SHTN1: variants seen among roughly 807,000 people sequenced by gnomAD.
SHTN1 encodes the protein shootin-1.
In SHTN1, 42 loss-of-function variants were observed where a neutral mutation model predicts 83.1. The ratio of observed to expected loss-of-function variants is 0.51; its 90% CI spans 0.39 to 0.65. The LOEUF (loss-of-function observed/expected upper bound fraction) is 0.65, where lower values mean the gene tolerates loss of function less well. Among genes scored for constraint, SHTN1 ranks in the 30% least tolerant of loss-of-function variants. SHTN1 has a pLI of 0.00. For missense variants in SHTN1, 622 were observed against 737.8 expected, an observed-to-expected ratio of 0.84 and a Z score of 1.82; for synonymous variants, 224 against 247.7, an observed-to-expected ratio of 0.90 and a Z score of 0.90.
chr10:117,070,008 T>C (rs999140008), intron 1 of SHTN1, among the ~76,000 whole-genome samples: 2 of 151,906 alleles, frequency 1.3e-5, no homozygotes, highest in African/African-American at 4.8e-5. Context: ...GGAACTACGA[T>C]GATAGAAAAA....
intron 1 of SHTN1, among the ~76,000 whole-genome samples, chr10:117,114,113 G>A (rs1853809459): frequency 1.3e-5 from 2 of 152,132 alleles, no homozygotes; most frequent in South Asian, 4.1e-4. Flanking sequence ...GGAGGCTAAA[G>A]TGGGAGGATT....
intron 7 of SHTN1, among the ~76,000 whole-genome samples, chr10:116,947,204 T>C (rs1849625774): frequency 6.6e-6 from 1 of 152,186 alleles, no homozygotes; most frequent in African/African-American, 2.4e-5. Flanking sequence ...TGGCCTATTT[T>C]GTTAAATAGT....
chr10:116,993,769 T>C (rs1851528505), intron 1 of SHTN1, among the ~76,000 whole-genome samples: 1 of 152,162 alleles, frequency 6.6e-6, no homozygotes, highest in Non-Finnish European at 1.5e-5. Context: ...ATATATTTTA[T>C]AATATGTTTG....
At position 116,903,329 on chromosome 10, in the gene SHTN1, T is replaced by TA. The variant is rs1179795069; in HGVS notation, c.1481-1373dup. ...AGGCGGATCGCCTGAGGTCAGGAGT[T>TA]AGAGACCAACCTGGCCAACATGGTG... On this transcript the variant is annotated intron_variant, in intron 15 of 16. Transcript: ENST00000355371. Among the ~76,000 whole-genome samples, 9 of 152,110 alleles carry TA rather than the reference T, an allele frequency of 5.9e-5. No homozygotes were observed. In the South Asian group the frequency reaches 1.5e-3, roughly 25 times the overall value.
chr10:116,966,977 G>A (rs947353813), intron 3 of SHTN1, among the ~76,000 whole-genome samples: 12 of 152,176 alleles, frequency 7.9e-5, no homozygotes, highest in African/African-American at 2.4e-4. Flanking sequence ...ATTCCCCTTG[G>A]ATGTTCTCTG....
rs771344270 is a variant in SHTN1, at chr10:116,944,883, C to A, written c.711+41G>T. Reference sequence around the variant, plus strand: ...TCCAGCCTGGTGACAGAGCGAGACTCTGTCTCAAGAAAAAAAATAAGATTT... The same window carrying A: ...TCCAGCCTGGTGACAGAGCGAGACTATGTCTCAAGAAAAAAAATAAGATTT... On this transcript the variant is annotated intron_variant, in intron 8 of 16. Coordinates refer to ENST00000355371, the MANE Select transcript of SHTN1 (RefSeq NM_001127211.3). 16 of 1,302,046 alleles carry A rather than the reference C, an allele frequency of 1.2e-5. No individual in the cohort carries two copies. In the East Asian group the frequency reaches 3.5e-4, roughly 28 times the overall value. The allele number at this position is 1,302,046 out of a possible 1,614,324, so 80.7% of individuals were successfully genotyped here.
intron 1 of SHTN1, among the ~76,000 whole-genome samples, chr10:117,085,827 T>G (rs908478469): frequency 5.3e-5 from 8 of 151,842 alleles, no homozygotes; most frequent in African/African-American, 1.9e-4. Flanking sequence ...ATTAAAATTG[T>G]TATTTTTTTT....
In SHTN1 at chr10:116,929,934, T is replaced by C. The variant is rs549583688; in HGVS notation, c.927A>G (p.Gln309=). ...LHKEIHNLKQ[Q]LELLEEDKKE... ...TTTTATCTTCCTCTAGAAGCTCCAG[T>C]TGCTGTTTGAGGTTGTGTATTTCTT... Residue 309 remains glutamine (Q), a synonymous_variant, in exon 10 of 17, where the codon CAA becomes CAG. Transcript: ENST00000355371. 1 of 1,609,282 alleles carries C rather than the reference T, an allele frequency of 6.2e-7. No homozygotes were observed. The highest frequency in any genetic ancestry group is 1.7e-5 in the Admixed American group (1 of 59,774).
rs115544897 is a variant in SHTN1 at position 116,984,360 on chromosome 10, C to T, written c.59-5052G>A. On this transcript the variant is annotated intron_variant, in intron 1 of 16. Coordinates refer to ENST00000355371, the MANE Select transcript of SHTN1 (RefSeq NM_001127211.3). ...GATAGCCACATGTGACTAGTTAGTG[C>T]CATAATGAACAATGGACACAGAACA... Among the ~76,000 whole-genome samples the T allele has an allele frequency of 1.0e-3, 154 of 152,290 alleles. 1 individual carries two copies. The highest frequency in any genetic ancestry group is 3.5e-3 in the African/African-American group (144 of 41,542).
intron 1 of SHTN1, among the ~76,000 whole-genome samples, chr10:117,055,641 G>A (rs1040596905): frequency 6.6e-6 from 1 of 152,230 alleles, no homozygotes; most frequent in African/African-American, 2.4e-5. Flanking sequence ...GCTAAAGTGG[G>A]AGGATTGCAT....
Position 116,954,370 on chromosome 10 carries a change from AAATTT to A in SHTN1, c.268-165_268-161del, listed in dbSNP as rs552483247. Among the ~76,000 whole-genome samples the A allele has an allele frequency of 5.8e-3, 890 of 152,314 alleles. 7 individuals carry two copies. The highest frequency in any genetic ancestry group is 0.014 in the Middle Eastern group (4 of 294). ...GATTCATTAAATAAGGTTTTATATT[AAATTT>A]ATTTCTTTAACCAAGATCTGATGTC... On this transcript the variant is annotated intron_variant, in intron 4 of 16. Transcript: ENST00000355371.
At chr10:116,987,134 C>G (rs971487025) in intron 1 of SHTN1, among the ~76,000 whole-genome samples, 1 of 152,136 alleles carries the variant, frequency 6.6e-6, no homozygotes, top group Non-Finnish European at 1.5e-5. Context: ...CAGAGCCTAA[C>G]AGACTTGGTG....
At chr10:116,890,858 A>G (rs944626628) in intron 16 of SHTN1, among the ~76,000 whole-genome samples, 4 of 152,256 alleles carry the variant, frequency 2.6e-5, no homozygotes, top group African/African-American at 9.6e-5. Context: ...GGACTCAGTG[A>G]TTTCTCAGAC....
intron 1 of SHTN1, among the ~76,000 whole-genome samples, chr10:117,120,076 T>C (rs1589940257): frequency 6.6e-6 from 1 of 151,720 alleles, no homozygotes; most frequent in African/African-American, 2.4e-5. Context: ...GGTTAATGGG[T>C]ACAAAAAAAA....
At chr10:116,920,411 A>G (rs1025726180) in intron 12 of SHTN1, among the ~76,000 whole-genome samples, 3 of 152,082 alleles carry the variant, frequency 2.0e-5, no homozygotes, top group Admixed American at 6.5e-5. Flanking sequence ...ATTGTCCTGT[A>G]TATCTCGATC....
At chr10:117,103,066 TTTTG>T (rs901968659) in intron 1 of SHTN1, among the ~76,000 whole-genome samples, 9 of 152,136 alleles carry the variant, frequency 5.9e-5, no homozygotes, top group Admixed American at 1.3e-4. Flanking sequence ...TTGTTCTATT[TTTTG>T]TTTGTTTTGT....
rs186076728 is a variant in SHTN1, at chr10:116,977,394, C to T, written c.111+1862G>A. ...TCTTCTCGTGGGTCAGGAGCAGCTACGAAAGAGACTCAGGGACTGATATCA... is the reference window on the plus strand; with the variant it reads ...TCTTCTCGTGGGTCAGGAGCAGCTATGAAAGAGACTCAGGGACTGATATCA... On this transcript the variant is annotated intron_variant, in intron 2 of 16. Coordinates refer to ENST00000355371, the MANE Select transcript of SHTN1 (RefSeq NM_001127211.3). Among the ~76,000 whole-genome samples the T allele has an allele frequency of 5.9e-5, 9 of 152,204 alleles. No homozygotes were observed. In the East Asian group the frequency reaches 1.2e-3, roughly 20 times the overall value.
intron 13 of SHTN1, among the ~76,000 whole-genome samples, chr10:116,913,824 G>C (rs1217122909): frequency 6.6e-6 from 1 of 152,140 alleles, no homozygotes; most frequent in East Asian, 1.9e-4. Context: ...ATCTTGAAGA[G>C]AAGAAGTGTG....
intron 11 of SHTN1, among the ~76,000 whole-genome samples, chr10:116,926,838 G>T (rs1239828805): frequency 1.3e-5 from 2 of 152,138 alleles, no homozygotes; most frequent in South Asian, 2.1e-4. Context: ...GTTGTCTTAT[G>T]TAATTCTAGA....
Sources: gnomAD v4.1 joint callset for allele counts (sites outside exome capture counted in the v4.1 genomes callset) on GRCh38, gnomAD v4.1.1 for gene constraint, MANE v1.5 for transcripts, NCBI Gene and HGNC (gene_info 2026-07-23, HGNC 2026-07-21) for gene names.